MAN1A2: variants seen among roughly 807,000 people sequenced by gnomAD.
MAN1A2 encodes mannosyl-oligosaccharide 1,2-alpha-mannosidase IB.
Under a neutral mutation model 75.7 loss-of-function variants are expected in MAN1A2, and 26 were observed. The observed-to-expected ratio is 0.34, with a 90% CI of 0.25 to 0.48. The LOEUF is 0.48. Among genes scored for constraint, MAN1A2 ranks in the 20% least tolerant of loss-of-function variants. The pLI, the probability that MAN1A2 is intolerant of heterozygous loss-of-function variation, is 0.99. For synonymous variants in MAN1A2, 247 were observed against 264.6 expected (o/e 0.93, Z 0.65); for missense variants, 562 against 775.5 (o/e 0.72, Z 3.27).
At chr1:117,487,873 T>C (rs1465154891) in intron 8 of MAN1A2, among the ~76,000 whole-genome samples, 1 of 152,114 alleles carries the variant, frequency 6.6e-6, no homozygotes, top group Non-Finnish European at 1.5e-5. Context: ...TTATGATTTT[T>C]TTGTGATTAT....
chr1:117,379,728 C>T (rs1018858248), intron 1 of MAN1A2, among the ~76,000 whole-genome samples: 3 of 152,116 alleles, frequency 2.0e-5, no homozygotes, highest in African/African-American at 7.2e-5. Flanking sequence ...TAGTATCATG[C>T]AATCTAAGAC....
intron 5 of MAN1A2, among the ~76,000 whole-genome samples, chr1:117,436,013 A>G (rs1223030563): frequency 6.6e-6 from 1 of 152,142 alleles, no homozygotes; most frequent in African/African-American, 2.4e-5. Flanking sequence ...AGCCTAGATC[A>G]CGCTGTTGCA....
chr1:117,399,700 C>T (rs1353377373), intron 1 of MAN1A2, among the ~76,000 whole-genome samples: 2 of 152,192 alleles, frequency 1.3e-5, no homozygotes, highest in African/African-American at 4.8e-5. Context: ...CTTATAGTCT[C>T]TTGATTGCAA....
At chr1:117,414,553 G>A (rs960703219) in intron 3 of MAN1A2, among the ~76,000 whole-genome samples, 160 bp from the exon 4 acceptor site, 1 of 151,356 alleles carries the variant, frequency 6.6e-6, no homozygotes, top group African/African-American at 2.4e-5. Context: ...ACAATATTGG[G>A]TATTCTAAAT....
chr1:117,435,496 A>G (rs1648819457), intron 5 of MAN1A2, among the ~76,000 whole-genome samples: 1 of 152,206 alleles, frequency 6.6e-6, no homozygotes, highest in African/African-American at 2.4e-5. Context: ...GAATAGGTTG[A>G]GGAGTGAATA....
chr1:117,507,457 C>G (rs1651408258), intron 12 of MAN1A2, among the ~76,000 whole-genome samples: 2 of 151,510 alleles, frequency 1.3e-5, no homozygotes, highest in African/African-American at 4.8e-5. Flanking sequence ...GGAACATATG[C>G]TCCATGAAAA....
At chr1:117,502,124 G>A (rs930040283) in intron 11 of MAN1A2, among the ~76,000 whole-genome samples, 6 of 151,866 alleles carry the variant, frequency 4.0e-5, no homozygotes, top group African/African-American at 1.2e-4. Flanking sequence ...AGTTAATAAT[G>A]TAGAGCAAAT....
intron 5 of MAN1A2, among the ~76,000 whole-genome samples, chr1:117,424,535 GGGAGAGCTTTTGCTCATGACTTGGGAA>G (rs1648304008): frequency 1.3e-5 from 2 of 152,214 alleles, no homozygotes; most frequent in Admixed American, 6.5e-5. Context: ...TAGTCCCAGA[GGGAGAGCTTTTGCTCATGACTTGGGAA>G]GGAGTGCTTT....
In MAN1A2 at chr1:117,526,908, A is replaced by ATATATATG; in HGVS notation, c.*3952_*3953insATATATGT. On this transcript the variant is annotated 3_prime_UTR_variant, in exon 13 of 13. Transcript: ENST00000356554. The stretch of plus-strand genomic sequence containing the variant: ...TATATATATATATATATATATATAT[A>ATATATATG]TGAGAGATATATGAGATATATGAGA... The ATATATATG allele has an allele frequency of 7.3e-6, 1 of 136,820 alleles. No homozygotes were observed. The highest frequency in any genetic ancestry group is 2.3e-4 in the South Asian group (1 of 4,324). 8.5% of individuals were successfully genotyped at this position (136,820 alleles called of 1,614,324 possible).
chr1:117,379,021 A>G (rs1653247431), intron 1 of MAN1A2, among the ~76,000 whole-genome samples: 1 of 152,136 alleles, frequency 6.6e-6, no homozygotes, highest in Non-Finnish European at 1.5e-5. Context: ...CAAGTTTGAA[A>G]TTTTAATATA....
chr1:117,399,196 C>G (rs1166904034), intron 1 of MAN1A2, among the ~76,000 whole-genome samples: 2 of 152,160 alleles, frequency 1.3e-5, no homozygotes, highest in African/African-American at 2.4e-5. Context: ...TCTTGCCCCC[C>G]ACAGGGTGGA....
At chr1:117,411,635 A>G (rs1390500157) in intron 3 of MAN1A2, among the ~76,000 whole-genome samples, 3 of 151,820 alleles carry the variant, frequency 2.0e-5, no homozygotes, top group Non-Finnish European at 4.4e-5. Context: ...AAGACAAACC[A>G]AAGACTTGGA....
intron 11 of MAN1A2, among the ~76,000 whole-genome samples, chr1:117,501,703 A>G (rs1424147049): frequency 1.3e-5 from 2 of 151,944 alleles, no homozygotes; most frequent in East Asian, 3.9e-4. Context: ...AAATTTAGTT[A>G]TAATCAAAAT....
chr1:117,515,410 G>C (rs1651681246), intron 12 of MAN1A2: 1 of 152,070 alleles, frequency 6.6e-6, no homozygotes, highest in Non-Finnish European at 1.5e-5. Context: ...TGTATTCAGT[G>C]CTAAATAGAA....
At chr1:117,513,866 A>G (rs1000294923) in intron 12 of MAN1A2, among the ~76,000 whole-genome samples, 1 of 152,144 alleles carries the variant, frequency 6.6e-6, no homozygotes, top group Non-Finnish European at 1.5e-5. Flanking sequence ...TAAGCAAGTT[A>G]TTCTTGATAT....
rs1455640551 is a variant in MAN1A2 at position 117,526,015 on chromosome 1, A to G, written c.*3058A>G. 3 of 151,802 alleles carry G rather than the reference A, an allele frequency of 2.0e-5. No individual in the cohort carries two copies. Among genetic ancestry groups the G allele is most frequent in the Non-Finnish European group, 4.4e-5 (3 of 67,814 alleles). The allele number at this position is 151,802 out of a possible 1,614,324, so 9.4% of individuals were successfully genotyped here. On this transcript the variant is annotated 3_prime_UTR_variant, in exon 13 of 13. Transcript: ENST00000356554. ...ATGTCATATAGAGCAACTCAGGGCT[A>G]TACTTGCTAGATTTTAACCAAGCAG...
chr1:117,391,935 A>G (rs1040447866), intron 1 of MAN1A2, among the ~76,000 whole-genome samples: 1 of 152,058 alleles, frequency 6.6e-6, no homozygotes, highest in Non-Finnish European at 1.5e-5. Flanking sequence ...CTAAATTTCT[A>G]GCTTTCTAAG....
intron 8 of MAN1A2, among the ~76,000 whole-genome samples, chr1:117,471,183 A>G (rs976002404): frequency 6.6e-6 from 1 of 151,836 alleles, no homozygotes; most frequent in African/African-American, 2.4e-5. Flanking sequence ...AAGAATGGAC[A>G]TGTTATGCCC....
At chr1:117,398,118 T>C (rs1206779124) in intron 1 of MAN1A2, among the ~76,000 whole-genome samples, 1 of 152,154 alleles carries the variant, frequency 6.6e-6, no homozygotes, top group African/African-American at 2.4e-5. Flanking sequence ...GGAACAAAAA[T>C]CAGATAGGGT....
Sources: gnomAD v4.1 joint callset for allele counts (sites outside exome capture counted in the v4.1 genomes callset) on GRCh38, gnomAD v4.1.1 for gene constraint, MANE v1.5 for transcripts, NCBI Gene and HGNC (gene_info 2026-07-23, HGNC 2026-07-21) for gene names.